Variants in CSNK1G2 observed in about 807,000 individuals in gnomAD.
The protein encoded by CSNK1G2 is casein kinase 1 gamma 2.
In CSNK1G2, 11 loss-of-function variants were observed where a neutral mutation model predicts 48.0. That is an observed-to-expected ratio of 0.23 (90% confidence interval 0.14 to 0.38). The LOEUF is 0.38. Ranked by LOEUF, CSNK1G2 falls within the 10% of genes least tolerant of loss-of-function variation. The pLI, the probability that CSNK1G2 is intolerant of heterozygous loss-of-function variation, is 1.00. For missense variants in CSNK1G2, 446 were observed against 595.5 expected, an observed-to-expected ratio of 0.75 and a Z score of 2.61; for synonymous variants, 337 against 254.1, an observed-to-expected ratio of 1.33 and a Z score of -3.10.
At chr19:1,950,358 CT>C (rs1296054226) in intron 1 of CSNK1G2, among the ~76,000 whole-genome samples, 7 of 146,670 alleles carry the variant, frequency 4.8e-5, no homozygotes, top group Non-Finnish European at 1.0e-4. Context: ...CCAGGATGGT[CT>C]TGATCTCCAG....
intron 1 of CSNK1G2, among the ~76,000 whole-genome samples, chr19:1,955,657 T>C (rs1251992944): frequency 6.6e-6 from 1 of 152,138 alleles, no homozygotes; most frequent in South Asian, 2.1e-4. Flanking sequence ...CACGACCCCC[T>C]CAGAGGGGCT....
chr19:1,945,969 G>T (rs1318469995), intron 1 of CSNK1G2, among the ~76,000 whole-genome samples: 1 of 152,250 alleles, frequency 6.6e-6, no homozygotes, highest in East Asian at 1.9e-4. Context: ...AGGCAGCCCA[G>T]TGGAGTGGGG....
intron 1 of CSNK1G2, among the ~76,000 whole-genome samples, chr19:1,956,215 G>C (rs777174577): frequency 6.6e-6 from 1 of 152,162 alleles, no homozygotes; most frequent in African/African-American, 2.4e-5. Context: ...AGGAGCAGTG[G>C]GGCCCTAGAC....
At chr19:1,973,804 A>C (rs1478473762) in intron 2 of CSNK1G2, among the ~76,000 whole-genome samples, 1 of 151,898 alleles carries the variant, frequency 6.6e-6, no homozygotes, top group African/African-American at 2.4e-5. Flanking sequence ...TTTCCTTTAA[A>C]TCTTTGAACA....
intron 1 of CSNK1G2, chr19:1,952,732 G>A (rs566004349): frequency 1.1e-5 from 3 of 285,580 alleles, no homozygotes; most frequent in East Asian, 3.4e-4. Flanking sequence ...ACAGGGCCAG[G>A]AGCTGAGTCG....
At chr19:1,963,653 G>A (rs1301952184) in intron 1 of CSNK1G2, among the ~76,000 whole-genome samples, 2 of 149,420 alleles carry the variant, frequency 1.3e-5, no homozygotes, top group African/African-American at 5.0e-5. Context: ...AGTTACAGGT[G>A]CACGCCACCA....
intron 1 of CSNK1G2, among the ~76,000 whole-genome samples, chr19:1,958,177 C>T (rs2015062836): frequency 6.6e-6 from 1 of 151,426 alleles, no homozygotes; most frequent in African/African-American, 2.4e-5. Flanking sequence ...AATTGAGGGG[C>T]GATTGGGACT....
intron 1 of CSNK1G2, chr19:1,952,945 C>A: frequency 2.3e-6 from 1 of 439,096 alleles, no homozygotes; most frequent in Non-Finnish European, 4.4e-6. Context: ...GGCGGGATGT[C>A]GCCCGGCGGC....
chr19:1,973,630 G>A (rs2015652729), intron 2 of CSNK1G2, among the ~76,000 whole-genome samples: 1 of 152,124 alleles, frequency 6.6e-6, no homozygotes, highest in Non-Finnish European at 1.5e-5. Flanking sequence ...AGGCTGTGCG[G>A]CTGCTGCTGC....
chr19:1,949,050 C>T (rs1555678814), intron 1 of CSNK1G2, among the ~76,000 whole-genome samples: 2 of 152,124 alleles, frequency 1.3e-5, no homozygotes, highest in South Asian at 2.1e-4. Flanking sequence ...GGTGGCAGAG[C>T]GGGAAGGAGC....
chr19:1,953,460 G>T (rs1263859474), intron 1 of CSNK1G2: 2 of 534,458 alleles, frequency 3.7e-6, no homozygotes, highest in Non-Finnish European at 7.7e-6. Context: ...TGTTGATGGC[G>T]TCTGAGGCTC....
At position 1,978,160 on chromosome 19, in the gene CSNK1G2, C is replaced by G. The variant is rs2145595142; in HGVS notation, c.188-145C>G. The G allele has an allele frequency of 4.8e-6, 4 of 831,904 alleles. No homozygotes were observed. The South Asian group carries it at 6.1e-5, about 13-fold the overall frequency. 51.5% of individuals were successfully genotyped at this position (831,904 alleles called of 1,614,324 possible). A position where few individuals can be genotyped will look rare whatever the true frequency, so the allele number is the denominator to read the frequency against. On this transcript the variant is annotated intron_variant, in intron 2 of 11. Transcript: ENST00000255641. This position sits in a 1 kb window ranked among gnomAD's most constrained non-coding sequence, Gnocchi z 7.3. ...TGGTGCAGTGCTCTGGCAGGCTGGG[C>G]CCAGGCCCTGCTGCTGGGCAGTGGT...
chr19:1,976,846 TCTC>T (rs1394083656), intron 2 of CSNK1G2, among the ~76,000 whole-genome samples: 1 of 151,928 alleles, frequency 6.6e-6, no homozygotes, highest in Non-Finnish European at 1.5e-5. Flanking sequence ...TTCAGGCAAT[TCTC>T]CTGCCTCAGC....
chr19:1,979,726 C>G (rs370371111), intron 9 of CSNK1G2, 26 bp from the exon 10 acceptor site: 2 of 1,604,042 alleles, frequency 1.2e-6, no homozygotes, highest in Non-Finnish European at 1.7e-6. Context: ...TGCAGCCCAT[C>G]CTGACCCCTG....
chr19:1,975,804 T>C, intron 2 of CSNK1G2: 1 of 976,156 alleles, frequency 1.0e-6, no homozygotes, highest in Non-Finnish European at 1.2e-6. Flanking sequence ...GGGAGGCTGA[T>C]GTGGGCGGAT....
Position 1,978,174 on chromosome 19 carries a change from C to A in CSNK1G2, c.188-131C>A. 1.1e-6 allele frequency: 1 copy of A among 913,926 alleles called. No individual in the cohort carries two copies. Among genetic ancestry groups the A allele is most frequent in the Non-Finnish European group, 1.8e-6 (1 of 564,660 alleles). The allele number at this position is 913,926 out of a possible 1,614,324, so 56.6% of individuals were successfully genotyped here. On this transcript the variant is annotated intron_variant, in intron 2 of 11. Transcript: ENST00000255641. This position sits in a 1 kb window ranked among gnomAD's most constrained non-coding sequence, Gnocchi z 7.3. ...GGCAGGCTGGGCCCAGGCCCTGCTG[C>A]TGGGCAGTGGTGTCATTTGGAGGGT... is the stretch of plus-strand genomic sequence containing the variant.
chr19:1,960,127 C>T (rs1017025881), intron 1 of CSNK1G2, among the ~76,000 whole-genome samples: 2 of 152,196 alleles, frequency 1.3e-5, no homozygotes, highest in Non-Finnish European at 2.9e-5. Flanking sequence ...CAGTCCTGAC[C>T]CTACCACAGC....
rs372331895 is a variant in CSNK1G2 at position 1,978,711 on chromosome 19, C to T, written c.408C>T (p.Thr136=). 7.5e-6 allele frequency: 12 copies of T among 1,600,486 alleles called. No homozygotes were observed. The highest frequency in any genetic ancestry group is 1.7e-4 in the Middle Eastern group (1 of 6,058). Reference sequence around the variant, plus strand: ...ACCTGTTCGACCTGTGCGACCGGACCTTCACGCTCAAGACGGTGCTGATGA... The same window carrying T: ...ACCTGTTCGACCTGTGCGACCGGACTTTCACGCTCAAGACGGTGCTGATGA... ...LEDLFDLCDR[T]FTLKTVLMIA... Residue 136 remains threonine (T), a synonymous_variant, in exon 5 of 12, where the codon ACC becomes ACT. Coordinates refer to ENST00000255641, the MANE Select transcript of CSNK1G2 (RefSeq NM_001319.7). This position sits in a 1 kb window ranked among gnomAD's most constrained non-coding sequence, Gnocchi z 7.3.
At chr19:1,945,547 C>G (rs543752914) in intron 1 of CSNK1G2, among the ~76,000 whole-genome samples, 5 of 152,330 alleles carry the variant, frequency 3.3e-5, no homozygotes, top group Admixed American at 2.6e-4. Flanking sequence ...TCTGGCCGGG[C>G]GCGGGGGCTC....
Sources: allele counts gnomAD v4.1 joint callset (sites outside exome capture counted in the v4.1 genomes callset), GRCh38; gene constraint gnomAD v4.1.1; non-coding constraint Gnocchi (gnomAD v3.1); transcripts MANE v1.5; gene names NCBI Gene and HGNC (gene_info 2026-07-23, HGNC 2026-07-21).